SETBP1: variants seen among roughly 807,000 people sequenced by gnomAD.
SETBP1 encodes SET binding protein 1, also known as SET-binding protein.
In SETBP1, 9 loss-of-function variants were observed where a neutral mutation model predicts 101.0. That is an observed-to-expected ratio of 0.09 (90% CI 0.05 to 0.16). SETBP1 has a LOEUF of 0.16. Ranked by LOEUF, SETBP1 falls within the 10% of genes least tolerant of loss-of-function variation. SETBP1 has a pLI of 1.00. For missense variants in SETBP1, 1,858 were observed against 2,033.8 expected (o/e 0.91, Z 1.66); for synonymous variants, 818 against 788.5 (o/e 1.04, Z -0.63).
intron 2 of SETBP1, among the ~76,000 whole-genome samples, chr18:44,711,877 C>G (rs2144273222): frequency 6.6e-6 from 1 of 152,150 alleles, no homozygotes; most frequent in East Asian, 1.9e-4. Context: ...CCATAATACC[C>G]CAGTGGATCT....
chr18:44,959,975 G>A (rs901279871), intron 4 of SETBP1, among the ~76,000 whole-genome samples: 3 of 152,120 alleles, frequency 2.0e-5, no homozygotes, highest in Non-Finnish European at 2.9e-5. Context: ...GCAGTGGTAC[G>A]ATCTCACCTC....
At chr18:44,996,241 G>A (rs960315936) in intron 4 of SETBP1, among the ~76,000 whole-genome samples, 1 of 152,214 alleles carries the variant, frequency 6.6e-6, no homozygotes, top group Non-Finnish European at 1.5e-5. Context: ...AATATTTGCT[G>A]GGCACATGAA....
intron 2 of SETBP1, among the ~76,000 whole-genome samples, chr18:44,721,247 G>A (rs1664975217): frequency 6.6e-6 from 1 of 152,190 alleles, no homozygotes; most frequent in African/African-American, 2.4e-5. Flanking sequence ...ACTGGAAAGG[G>A]CCTTGCATGA....
Position 44,885,982 on chromosome 18 carries a change from G to A in SETBP1, c.540+16699G>A, listed in dbSNP as rs374365989. Among the ~76,000 whole-genome samples, 66 of 152,016 alleles carry A rather than the reference G, an allele frequency of 4.3e-4. 2 individuals carry two copies. In the South Asian group the frequency reaches 0.014, roughly 31 times the overall value. Reference sequence around the variant, plus strand: ...TCCTAAGTTCTCAATGAACTGCAGTGGAGTGCCACAAACTATGCTTCATAC... The same window carrying A: ...TCCTAAGTTCTCAATGAACTGCAGTAGAGTGCCACAAACTATGCTTCATAC... On this transcript the variant is annotated intron_variant, in intron 3 of 5. Coordinates refer to ENST00000649279, the MANE Select transcript of SETBP1 (RefSeq NM_015559.3).
chr18:44,731,250 T>C (rs1336260389), intron 2 of SETBP1, among the ~76,000 whole-genome samples: 1 of 152,188 alleles, frequency 6.6e-6, no homozygotes, highest in Non-Finnish European at 1.5e-5. Flanking sequence ...CATTTCCAAA[T>C]ATCCCTTCCC....
At chr18:44,735,490 C>T (rs2069944644) in intron 2 of SETBP1, among the ~76,000 whole-genome samples, 1 of 152,158 alleles carries the variant, frequency 6.6e-6, no homozygotes, top group Non-Finnish European at 1.5e-5. Flanking sequence ...TTGCACAATA[C>T]ATTTTAGCAA....
At chr18:44,741,454 A>T (rs2070095127) in intron 2 of SETBP1, among the ~76,000 whole-genome samples, 1 of 152,208 alleles carries the variant, frequency 6.6e-6, no homozygotes, top group Non-Finnish European at 1.5e-5. Flanking sequence ...TGCCTGTGCC[A>T]TCGGGACCCC....
At chr18:45,051,456 C>G (rs2073719648) in intron 5 of SETBP1, among the ~76,000 whole-genome samples, 1 of 152,120 alleles carries the variant, frequency 6.6e-6, no homozygotes, top group African/African-American at 2.4e-5. Flanking sequence ...GATTCACATG[C>G]TTGGCAATGA....
chr18:44,778,477 C>T (rs2071054152), intron 2 of SETBP1, among the ~76,000 whole-genome samples: 1 of 152,174 alleles, frequency 6.6e-6, no homozygotes, highest in Non-Finnish European at 1.5e-5. Context: ...GTACCAAATC[C>T]TACATATTGT....
intron 2 of SETBP1, among the ~76,000 whole-genome samples, chr18:44,868,590 G>A (rs1389848275): frequency 1.3e-5 from 2 of 151,968 alleles, no homozygotes; most frequent in Non-Finnish European, 2.9e-5. Context: ...AGCTACTTGG[G>A]AGGCTGAGGC....
chr18:44,936,714 T>C (rs1427717802), intron 3 of SETBP1, among the ~76,000 whole-genome samples: 1 of 152,086 alleles, frequency 6.6e-6, no homozygotes, highest in East Asian at 1.9e-4. Flanking sequence ...CTCCTCTGCT[T>C]GCCAGAGCCA....
chr18:44,766,904 T>C (rs943780212), intron 2 of SETBP1, among the ~76,000 whole-genome samples: 2 of 152,254 alleles, frequency 1.3e-5, no homozygotes, highest in Non-Finnish European at 2.9e-5. Flanking sequence ...TAAAAACTTA[T>C]ATCTTTGAGT....
chr18:44,966,920 T>C (rs1047041693), intron 4 of SETBP1, among the ~76,000 whole-genome samples: 2 of 152,154 alleles, frequency 1.3e-5, no homozygotes, highest in South Asian at 2.1e-4. Flanking sequence ...CAAAGAAGGG[T>C]AAAATATACA....
chr18:44,881,574 C>T lies in SETBP1; in HGVS notation c.540+12291C>T, dbSNP rs144684606. Reference sequence around the variant, plus strand: ...TTACTTTGCCAATTGCAGATTCCATCGTGATGTGTTTAGTGCAATCAGGCA... The same window carrying T: ...TTACTTTGCCAATTGCAGATTCCATTGTGATGTGTTTAGTGCAATCAGGCA... On this transcript the variant is annotated intron_variant, in intron 3 of 5. Transcript: ENST00000649279. 3.4e-4 allele frequency among the ~76,000 whole-genome samples: 52 copies of T among 152,310 alleles called. No individual in the cohort carries two copies. In the East Asian group the frequency reaches 9.4e-3, roughly 28 times the overall value.
chr18:44,722,998 G>A (rs2069632561), intron 2 of SETBP1, among the ~76,000 whole-genome samples: 2 of 152,148 alleles, frequency 1.3e-5, no homozygotes, highest in Admixed American at 6.5e-5. Context: ...TATGACATTG[G>A]TAATTTAACC....
At chr18:44,909,394 C>T (rs1304751391) in intron 3 of SETBP1, among the ~76,000 whole-genome samples, 1 of 152,190 alleles carries the variant, frequency 6.6e-6, no homozygotes, top group Non-Finnish European at 1.5e-5. Flanking sequence ...GTCATTTGTT[C>T]TCCTGGCTGA....
At chr18:44,886,543 G>A (rs1272256230) in intron 3 of SETBP1, among the ~76,000 whole-genome samples, 1 of 151,888 alleles carries the variant, frequency 6.6e-6, no homozygotes, top group Non-Finnish European at 1.5e-5. Flanking sequence ...TGTCAAGGTG[G>A]TTTTCATTTA....
chr18:44,777,941 C>G (rs2071038915), intron 2 of SETBP1, among the ~76,000 whole-genome samples: 2 of 152,222 alleles, frequency 1.3e-5, no homozygotes, highest in South Asian at 4.1e-4. Flanking sequence ...CATTTCTGAA[C>G]CCGACTGTTC....
At chr18:44,940,696 C>T (rs991434536) in intron 3 of SETBP1, among the ~76,000 whole-genome samples, 1 of 152,160 alleles carries the variant, frequency 6.6e-6, no homozygotes, top group African/African-American at 2.4e-5. Context: ...TTTATTTCTA[C>T]AAATGTCATA....
Sources: allele counts gnomAD v4.1 joint callset (sites outside exome capture counted in the v4.1 genomes callset), GRCh38; gene constraint gnomAD v4.1.1; transcripts MANE v1.5; gene names NCBI Gene and HGNC (gene_info 2026-07-23, HGNC 2026-07-21).